CNTNAP2: variants seen among roughly 807,000 people sequenced by gnomAD.
CNTNAP2 encodes contactin associated protein 2.
Under a neutral mutation model 155.2 loss-of-function variants are expected in CNTNAP2, and 98 were observed. That is an observed-to-expected ratio of 0.63 (90% CI 0.54 to 0.75). The LOEUF is 0.75. Ranked by LOEUF, CNTNAP2 falls within the 30% of genes least tolerant of loss-of-function variation. The probability of loss-of-function intolerance (pLI) is 0.00; values close to 1 mark genes in which losing one functional copy is unlikely to be tolerated. For missense variants in CNTNAP2, 1,727 were observed against 1,688.1 expected (o/e 1.02, Z -0.40); for synonymous variants, 651 against 631.2 (o/e 1.03, Z -0.47).
intron 14 of CNTNAP2, among the ~76,000 whole-genome samples, chr7:147,960,736 C>T (rs1017344302): frequency 6.6e-6 from 1 of 152,018 alleles, no homozygotes; most frequent in Non-Finnish European, 1.5e-5. Flanking sequence ...CCCTGTGGTG[C>T]CCAGGGACTC....
intron 13 of CNTNAP2, among the ~76,000 whole-genome samples, chr7:147,796,071 T>C (rs1797888540): frequency 6.6e-6 from 1 of 152,138 alleles, no homozygotes; most frequent in African/African-American, 2.4e-5. Flanking sequence ...CCCTTATGTG[T>C]AAGAGACCAT....
At chr7:148,217,119 T>C (rs1795652771) in intron 18 of CNTNAP2, among the ~76,000 whole-genome samples, 169 bp from the exon 19 acceptor site, 1 of 151,946 alleles carries the variant, frequency 6.6e-6, no homozygotes, top group Non-Finnish European at 1.5e-5. Context: ...TTTTTTTTTT[T>C]TTGATAAGAG....
intron 1 of CNTNAP2, among the ~76,000 whole-genome samples, chr7:146,520,748 A>C (rs1251046074): frequency 6.6e-6 from 1 of 151,946 alleles, no homozygotes; most frequent in Admixed American, 6.6e-5. Context: ...TTAAGCAACC[A>C]ACTCTTAACT....
At chr7:147,460,681 G>GT (rs200858864) in intron 10 of CNTNAP2, among the ~76,000 whole-genome samples, 2,579 of 152,220 alleles carry the variant, frequency 0.017, 67 homozygotes, top group African/African-American at 0.059. Flanking sequence ...GTTTTGCTTT[G>GT]TTTTTTGCAG....
intron 14 of CNTNAP2, among the ~76,000 whole-genome samples, chr7:147,954,131 G>T (rs1023714273): frequency 5.9e-5 from 9 of 152,100 alleles, no homozygotes; most frequent in African/African-American, 2.2e-4. Flanking sequence ...ATCTTCAGGG[G>T]AGAAAAGTGC....
intron 1 of CNTNAP2, among the ~76,000 whole-genome samples, chr7:146,315,342 A>G (rs1451645145): frequency 2.6e-5 from 4 of 152,208 alleles, no homozygotes; most frequent in Non-Finnish European, 4.4e-5. Flanking sequence ...AGTGATGGTA[A>G]AAGTTGGGCA....
At chr7:146,580,142 G>A (rs1017816970) in intron 1 of CNTNAP2, among the ~76,000 whole-genome samples, 5 of 152,034 alleles carry the variant, frequency 3.3e-5, no homozygotes, top group Non-Finnish European at 7.4e-5. Context: ...AGCTTTTCTG[G>A]TTTATTAATG....
intron 11 of CNTNAP2, among the ~76,000 whole-genome samples, chr7:147,528,463 T>C (rs1353851256): frequency 6.6e-6 from 1 of 152,158 alleles, no homozygotes; most frequent in East Asian, 1.9e-4. Flanking sequence ...TGTCTCTCAC[T>C]TGGTCTCCCT....
chr7:147,252,637 T>G (rs562197987), intron 8 of CNTNAP2, among the ~76,000 whole-genome samples: 5 of 152,194 alleles, frequency 3.3e-5, no homozygotes, highest in Non-Finnish European at 7.4e-5. Flanking sequence ...AAATTATGCA[T>G]TGGGGGGAAG....
intron 1 of CNTNAP2, among the ~76,000 whole-genome samples, chr7:146,589,643 A>G (rs1798750743): frequency 6.6e-6 from 1 of 152,012 alleles, no homozygotes; most frequent in Non-Finnish European, 1.5e-5. Flanking sequence ...GAAATACCTA[A>G]TGCAGATGAT....
chr7:147,395,628 T>C lies in CNTNAP2; in HGVS notation c.1518T>C (p.Asn506=), dbSNP rs1328380481. 1 of 1,612,156 alleles carries C rather than the reference T, an allele frequency of 6.2e-7. No individual in the cohort carries two copies. Among genetic ancestry groups the C allele is most frequent in the Non-Finnish European group, 8.5e-7 (1 of 1,178,512 alleles). ...YFFGGFLNQM[N]NSSHSVLQPS... Reference sequence around the variant, plus strand: ...TCACAGGTTTTCTGAACCAGATGAATAACTCAAGTCACTCTGTCCTTCAGC... The same window carrying C: ...TCACAGGTTTTCTGAACCAGATGAACAACTCAAGTCACTCTGTCCTTCAGC... The change falls in exon 10 of 24, where the codon AAT becomes AAC. Residue 506 remains asparagine, a synonymous_variant. Coordinates refer to ENST00000361727, the MANE Select transcript of CNTNAP2 (RefSeq NM_014141.6).
At chr7:147,231,748 C>T (rs1170167384) in intron 8 of CNTNAP2, among the ~76,000 whole-genome samples, 9 of 152,198 alleles carry the variant, frequency 5.9e-5, no homozygotes, top group African/African-American at 2.2e-4. Context: ...AATGTCTCTT[C>T]AGGTCCTTGG....
chr7:146,993,353 G>A (rs967301686), intron 3 of CNTNAP2, among the ~76,000 whole-genome samples: 2 of 152,128 alleles, frequency 1.3e-5, no homozygotes, highest in Non-Finnish European at 1.5e-5. Context: ...GTGCTCAGGT[G>A]AGGCATTCTT....
At chr7:147,208,565 T>C (rs1803069449) in intron 8 of CNTNAP2, among the ~76,000 whole-genome samples, 3 of 152,034 alleles carry the variant, frequency 2.0e-5, no homozygotes, top group South Asian at 4.1e-4. Flanking sequence ...AAGACCTAGC[T>C]TAATGAAGAT....
intron 1 of CNTNAP2, among the ~76,000 whole-genome samples, chr7:146,171,188 G>A (rs937080674): frequency 2.6e-5 from 4 of 151,884 alleles, no homozygotes; most frequent in African/African-American, 4.8e-5. Context: ...ATTATCAATG[G>A]ACAATCACCA....
chr7:147,617,922 G>C (rs1291515233), intron 12 of CNTNAP2, among the ~76,000 whole-genome samples: 1 of 152,196 alleles, frequency 6.6e-6, no homozygotes, highest in Admixed American at 6.5e-5. Flanking sequence ...AGACTGCAAA[G>C]CTTTGAGTTT....
intron 1 of CNTNAP2, among the ~76,000 whole-genome samples, chr7:146,417,103 G>T (rs923490030): frequency 2.0e-5 from 3 of 152,086 alleles, no homozygotes; most frequent in Non-Finnish European, 4.4e-5. Context: ...AGAAGAGAAA[G>T]AATTCTTAAC....
intron 1 of CNTNAP2, among the ~76,000 whole-genome samples, chr7:146,344,574 G>C (rs1340402613): frequency 6.7e-6 from 1 of 148,540 alleles, no homozygotes; most frequent in Non-Finnish European, 1.5e-5. Flanking sequence ...CTGCCCCCAA[G>C]TTCAAGCCAT....
At chr7:146,764,993 A>G (rs1802170185) in intron 1 of CNTNAP2, among the ~76,000 whole-genome samples, 1 of 152,114 alleles carries the variant, frequency 6.6e-6, no homozygotes, top group African/African-American at 2.4e-5. Context: ...CCTTCCTCAG[A>G]AGAGGATTAT....
Sources: gnomAD v4.1 joint callset for allele counts (sites outside exome capture counted in the v4.1 genomes callset) on GRCh38, gnomAD v4.1.1 for gene constraint, MANE v1.5 for transcripts, NCBI Gene and HGNC (gene_info 2026-07-23, HGNC 2026-07-21) for gene names.